Variants in NXNL2 observed in about 807,000 individuals in gnomAD.
NXNL2 encodes the protein nucleoredoxin-like protein 2.
A neutral mutation model predicts 11.1 loss-of-function variants in NXNL2; 7 were observed. That is an observed-to-expected ratio of 0.63 (90% CI 0.36 to 1.18). NXNL2 has a LOEUF of 1.18. Among genes scored for constraint, NXNL2 ranks in the 50% most tolerant of loss-of-function variants. NXNL2 has a pLI of 0.02. For missense variants in NXNL2, 233 were observed against 217.7 expected (o/e 1.07, Z -0.44); for synonymous variants, 109 against 101.8 (o/e 1.07, Z -0.42).
chr9:88,559,527 G>A (rs1176460711), intron 1 of NXNL2, among the ~76,000 whole-genome samples: 1 of 152,160 alleles, frequency 6.6e-6, no homozygotes, highest in African/African-American at 2.4e-5. Context: ...TACCAAGCAC[G>A]TTCACTTGCT....
At chr9:88,539,477 T>C (rs964424365) in intron 1 of NXNL2, among the ~76,000 whole-genome samples, 2 of 152,196 alleles carry the variant, frequency 1.3e-5, no homozygotes, top group African/African-American at 4.8e-5. Flanking sequence ...GAGTCCCACC[T>C]GGTCTGGCCC....
At chr9:88,555,950 T>A (rs78271902) in intron 1 of NXNL2, among the ~76,000 whole-genome samples, 4,018 of 152,306 alleles carry the variant, frequency 0.026, 193 homozygotes, top group African/African-American at 0.089. Context: ...AGCACAGGCA[T>A]GGGCTCCATG....
intron 1 of NXNL2, among the ~76,000 whole-genome samples, chr9:88,559,968 G>A (rs34532630): frequency 0.12 from 17,658 of 152,030 alleles, 2,534 homozygotes; most frequent in East Asian, 0.78. Flanking sequence ...AAACCTTTTC[G>A]GGTTAACCTT....
At chr9:88,548,339 C>CAAAAAAAAAAAAAA (rs60796870), downstream of NXNL2, among the ~76,000 whole-genome samples, 1 of 31,022 alleles carries the variant, frequency 3.2e-5, no homozygotes, top group African/African-American at 1.2e-4. Context: ...GACTTTTTCT[C>CAAAAAAAAAAAAAA]AAAAAAAAAA....
chr9:88,579,301 G>A (rs1177426786), downstream of NXNL2, among the ~76,000 whole-genome samples: 3 of 152,204 alleles, frequency 2.0e-5, no homozygotes, highest in African/African-American at 4.8e-5. Context: ...CGGAATGCCT[G>A]AAGGACGGGG....
intron 1 of NXNL2, among the ~76,000 whole-genome samples, chr9:88,569,935 A>T (rs1412389923): frequency 6.6e-6 from 1 of 152,004 alleles, no homozygotes; most frequent in Non-Finnish European, 1.5e-5. Context: ...AGATCTTGCC[A>T]TTCCCAGCAA....
intron 1 of NXNL2, chr9:88,571,072 T>C (rs1385819337): frequency 9.2e-6 from 2 of 216,906 alleles, no homozygotes; most frequent in Admixed American, 5.5e-5. Flanking sequence ...CTTTCTTTTC[T>C]TTTTTTTTTT....
intron 1 of NXNL2, among the ~76,000 whole-genome samples, chr9:88,570,046 C>T (rs898136186): frequency 4.6e-5 from 7 of 151,584 alleles, no homozygotes; most frequent in Admixed American, 3.9e-4. Context: ...TTGCAGTGTA[C>T]TCGGTGGTTT....
At chr9:88,545,917 C>T (rs183852435), downstream of NXNL2, among the ~76,000 whole-genome samples, 5 of 152,176 alleles carry the variant, frequency 3.3e-5, no homozygotes, top group Admixed American at 3.3e-4. Flanking sequence ...CAGGCGCCCG[C>T]CACCACGCCC....
At chr9:88,566,555 G>A (rs145399585) in intron 1 of NXNL2, among the ~76,000 whole-genome samples, 15 of 152,212 alleles carry the variant, frequency 9.9e-5, no homozygotes, top group East Asian at 5.8e-4. Flanking sequence ...CACCCAGCTC[G>A]GCCTCCGAAA....
At chr9:88,574,404 T>C (rs1358272623) in intron 2 of NXNL2, among the ~76,000 whole-genome samples, 1 of 152,180 alleles carries the variant, frequency 6.6e-6, no homozygotes, top group East Asian at 1.9e-4. Flanking sequence ...CTTAGTTTTA[T>C]ACATTTTAGG....
chr9:88,578,174 G>A (rs918104234), downstream of NXNL2, among the ~76,000 whole-genome samples: 1 of 152,238 alleles, frequency 6.6e-6, no homozygotes, highest in Non-Finnish European at 1.5e-5. Flanking sequence ...AAGAGAAAAT[G>A]GAGTTCCATC....
intron 1 of NXNL2, among the ~76,000 whole-genome samples, chr9:88,567,994 C>G (rs1356250681): frequency 6.6e-6 from 1 of 152,204 alleles, no homozygotes; most frequent in Admixed American, 6.5e-5. Context: ...CGTGACTTGC[C>G]TCACCCAGTC....
chr9:88,571,553 C>T (rs1044313790), intron 2 of NXNL2, among the ~76,000 whole-genome samples: 11 of 152,206 alleles, frequency 7.2e-5, no homozygotes, highest in African/African-American at 2.7e-4. Context: ...TCTTTCTCTC[C>T]TACCACAATT....
At chr9:88,549,429 G>A (rs1367896739), downstream of NXNL2, among the ~76,000 whole-genome samples, 1 of 152,226 alleles carries the variant, frequency 6.6e-6, no homozygotes, top group East Asian at 1.9e-4. Context: ...ACAGGTGAAA[G>A]GGGGCAAACT....
At chr9:88,553,357 A>AAAC (rs138383279) in intron 1 of NXNL2, among the ~76,000 whole-genome samples, 2,425 of 152,016 alleles carry the variant, frequency 0.016, 63 homozygotes, top group African/African-American at 0.055. Context: ...AAAAAAGCCC[A>AAAC]AACAACAACA....
chr9:88,557,582 G>C (rs1343387961), intron 1 of NXNL2, among the ~76,000 whole-genome samples: 1 of 152,208 alleles, frequency 6.6e-6, no homozygotes, highest in African/African-American at 2.4e-5. Context: ...TTCAGGTGGA[G>C]TGGAGCCACC....
intron 1 of NXNL2, among the ~76,000 whole-genome samples, chr9:88,566,980 C>CTATA (rs1232919222): frequency 7.0e-6 from 1 of 143,062 alleles, no homozygotes; most frequent in African/African-American, 2.7e-5. Context: ...TATCATCTAT[C>CTATA]TATCTATCTA....
At chr9:88,573,441 G>T (rs1054834587) in intron 2 of NXNL2, among the ~76,000 whole-genome samples, 1 of 152,200 alleles carries the variant, frequency 6.6e-6, no homozygotes, top group African/African-American at 2.4e-5. Flanking sequence ...ACTGTGCCTG[G>T]CCATACAGTA....
Sources: gnomAD v4.1 joint callset for allele counts (sites outside exome capture counted in the v4.1 genomes callset) on GRCh38, gnomAD v4.1.1 for gene constraint, MANE v1.5 for transcripts, NCBI Gene and HGNC (gene_info 2026-07-23, HGNC 2026-07-21) for gene names.